Variants in FBXL17 observed in about 807,000 individuals in gnomAD.
FBXL17 encodes the protein F-box/LRR-repeat protein 17.
Under a neutral mutation model 66.2 loss-of-function variants are expected in FBXL17, and 22 were observed. The observed-to-expected ratio is 0.33, with a 90% CI of 0.24 to 0.47. The LOEUF (loss-of-function observed/expected upper bound fraction) is 0.47, where lower values mean the gene tolerates loss of function less well. Among genes scored for constraint, FBXL17 ranks in the 20% least tolerant of loss-of-function variants. The pLI, the probability that FBXL17 is intolerant of heterozygous loss-of-function variation, is 1.00. For synonymous variants in FBXL17, 474 were observed against 400.5 expected (o/e 1.18, Z -2.19); for missense variants, 878 against 948.2 (o/e 0.93, Z 0.97).
intron 6 of FBXL17, among the ~76,000 whole-genome samples, chr5:108,048,177 C>T (rs1158209734): frequency 6.6e-6 from 1 of 152,148 alleles, no homozygotes; most frequent in Admixed American, 6.5e-5. Context: ...TTGAAGTGAA[C>T]CCCCAACAAA....
chr5:108,305,336 G>A (rs1758787311), intron 4 of FBXL17, among the ~76,000 whole-genome samples: 1 of 151,956 alleles, frequency 6.6e-6, no homozygotes, highest in South Asian at 2.1e-4. Context: ...TGGGTGGTAG[G>A]GAAAGCATCA....
intron 6 of FBXL17, among the ~76,000 whole-genome samples, chr5:108,159,087 A>G (rs764393125): frequency 6.6e-6 from 1 of 152,156 alleles, no homozygotes; most frequent in Non-Finnish European, 1.5e-5. Context: ...TTAGATTTAG[A>G]TGGGTATCAG....
chr5:107,975,270 C>T (rs1752534184), intron 7 of FBXL17, among the ~76,000 whole-genome samples: 1 of 152,004 alleles, frequency 6.6e-6, no homozygotes, highest in African/African-American at 2.4e-5. Flanking sequence ...GGCTGGGTGA[C>T]ACAAATCTAC....
At chr5:108,059,701 T>TATCA (rs1747847303) in intron 6 of FBXL17, among the ~76,000 whole-genome samples, 1 of 152,210 alleles carries the variant, frequency 6.6e-6, no homozygotes, top group African/African-American at 2.4e-5. Context: ...GTAGTGAGAA[T>TATCA]ATCAGGCAGG....
At chr5:107,978,105 C>T (rs377616921) in intron 7 of FBXL17, among the ~76,000 whole-genome samples, 4 of 151,652 alleles carry the variant, frequency 2.6e-5, no homozygotes, top group African/African-American at 9.7e-5. Flanking sequence ...TTGCATTTCT[C>T]AGTGTCCAGG....
At chr5:108,298,778 A>T in intron 4 of FBXL17, 1 of 780,268 alleles carries the variant, frequency 1.3e-6, no homozygotes, top group Non-Finnish European at 1.6e-6. Context: ...CTTAACCATT[A>T]ATCAAAAACC....
intron 6 of FBXL17, among the ~76,000 whole-genome samples, chr5:108,036,314 T>C (rs573891689): frequency 6.6e-6 from 1 of 152,308 alleles, no homozygotes; most frequent in South Asian, 2.1e-4. Flanking sequence ...TACACTTAGA[T>C]TCCATGAGAG....
At chr5:107,950,962 A>G (rs117351691) in intron 7 of FBXL17, among the ~76,000 whole-genome samples, 1 of 152,294 alleles carries the variant, frequency 6.6e-6, no homozygotes, top group East Asian at 1.9e-4. Flanking sequence ...CAAGAAAGCT[A>G]ATGTTTTCTT....
chr5:107,884,547 G>C (rs1292178331), intron 7 of FBXL17, among the ~76,000 whole-genome samples: 1 of 152,166 alleles, frequency 6.6e-6, no homozygotes, highest in African/African-American at 2.4e-5. Context: ...CAAGAGGCCT[G>C]AGGGAACCTT....
chr5:107,976,867 A>G (rs188927761), intron 7 of FBXL17, among the ~76,000 whole-genome samples: 36 of 152,286 alleles, frequency 2.4e-4, no homozygotes, highest in Admixed American at 1.9e-3. Flanking sequence ...GTCTCACAGG[A>G]GTTGAGGGAG....
intron 7 of FBXL17, among the ~76,000 whole-genome samples, chr5:107,955,255 CA>C (rs1372483030): frequency 1.8e-4 from 27 of 151,926 alleles, no homozygotes; most frequent in African/African-American, 6.5e-4. Flanking sequence ...ACACACATCA[CA>C]AAATAGTTCT....
intron 6 of FBXL17, among the ~76,000 whole-genome samples, chr5:108,022,045 A>C (rs1754624928): frequency 6.6e-6 from 1 of 151,882 alleles, no homozygotes; most frequent in Non-Finnish European, 1.5e-5. Flanking sequence ...ATTTTATACA[A>C]TTTTACTTCA....
At chr5:108,278,710 A>C (rs968896821) in intron 4 of FBXL17, among the ~76,000 whole-genome samples, 3 of 152,206 alleles carry the variant, frequency 2.0e-5, no homozygotes, top group Non-Finnish European at 2.9e-5. Context: ...GGCCTTGGCC[A>C]CTAGGTTTGA....
chr5:108,339,595 CTT>C (rs1308313453), intron 4 of FBXL17, among the ~76,000 whole-genome samples: 1 of 148,914 alleles, frequency 6.7e-6, no homozygotes, highest in African/African-American at 2.5e-5. Flanking sequence ...AAAAAAAGGA[CTT>C]AAACTACAGA....
At chr5:107,876,892 C>G (rs1006081248) in intron 8 of FBXL17, among the ~76,000 whole-genome samples, 1 of 152,190 alleles carries the variant, frequency 6.6e-6, no homozygotes, top group Admixed American at 6.5e-5. Flanking sequence ...ACATACTGCT[C>G]TTATTAGAGT....
At chr5:108,368,080 T>A in intron 1 of FBXL17, 127 bp from the exon 2 acceptor site, 1 of 859,286 alleles carries the variant, frequency 1.2e-6, no homozygotes, top group Non-Finnish European at 1.8e-6. Flanking sequence ...GAGGCCATTA[T>A]TGTAAGTCAC....
intron 4 of FBXL17, among the ~76,000 whole-genome samples, chr5:108,301,348 T>C (rs1188864881): frequency 1.3e-5 from 2 of 151,940 alleles, no homozygotes; most frequent in Admixed American, 6.6e-5. Context: ...CATTTTTTCA[T>C]AGAGAACTGT....
Position 108,266,749 on chromosome 5 carries a change from T to C in FBXL17, c.1507-42521A>G, listed in dbSNP as rs148626996. Reference sequence around the variant, plus strand: ...AAAGAAATTTATGCTAGTTTTGCCATCACACCTCAAAACAGCAAAATTTGT... The same window carrying C: ...AAAGAAATTTATGCTAGTTTTGCCACCACACCTCAAAACAGCAAAATTTGT... On this transcript the variant is annotated intron_variant, in intron 4 of 8. Transcript: ENST00000542267. 2.7e-3 allele frequency among the ~76,000 whole-genome samples: 414 copies of C among 152,252 alleles called. 1 individual carries two copies. Among genetic ancestry groups the C allele is most frequent in the African/African-American group, 9.6e-3 (399 of 41,564 alleles).
At chr5:108,284,365 T>C (rs1561506446) in intron 4 of FBXL17, among the ~76,000 whole-genome samples, 1 of 151,850 alleles carries the variant, frequency 6.6e-6, no homozygotes, top group African/African-American at 2.4e-5. Flanking sequence ...AAAATACTAC[T>C]CAGTCACAAA....
Sources: gnomAD v4.1 joint callset for allele counts (sites outside exome capture counted in the v4.1 genomes callset) on GRCh38, gnomAD v4.1.1 for gene constraint, MANE v1.5 for transcripts, NCBI Gene and HGNC (gene_info 2026-07-23, HGNC 2026-07-21) for gene names.